The following HPSE2 variants were observed in gnomAD, a reference collection of about 807,000 sequenced individuals.
HPSE2 encodes inactive heparanase-2.
HPSE2 carries 38 observed loss-of-function variants against 60.5 expected under a neutral mutation model. That is an observed-to-expected ratio of 0.63 (90% confidence interval 0.48 to 0.82). HPSE2 has a LOEUF of 0.82. HPSE2 is among the 40% of genes least tolerant of loss of function. The pLI is 0.00. For synonymous variants in HPSE2, 295 were observed against 293.2 expected (o/e 1.01, Z -0.06); for missense variants, 713 against 740.4 (o/e 0.96, Z 0.43).
intron 6 of HPSE2, among the ~76,000 whole-genome samples, chr10:98,689,002 C>A (rs1303292154): frequency 6.6e-6 from 1 of 151,080 alleles, no homozygotes; most frequent in African/African-American, 2.4e-5. Flanking sequence ...TTATTTTTGT[C>A]TGAATGCTTT....
intron 2 of HPSE2, among the ~76,000 whole-genome samples, chr10:99,167,890 T>G (rs1356425667): frequency 6.6e-6 from 1 of 152,150 alleles, no homozygotes; most frequent in Non-Finnish European, 1.5e-5. Context: ...TGTCTCTCTC[T>G]CTCTCTCTCT....
intron 3 of HPSE2, among the ~76,000 whole-genome samples, chr10:99,101,431 T>A (rs1314258971): frequency 3.3e-5 from 5 of 152,114 alleles, no homozygotes; most frequent in South Asian, 2.1e-4. Flanking sequence ...TTCAACAAGA[T>A]GGGCTAACTA....
At chr10:99,293,739 A>T in the HPSE2 span, among the ~76,000 whole-genome samples, 1 of 152,226 alleles carries the variant, frequency 6.6e-6, no homozygotes, top group Non-Finnish European at 1.5e-5. Context: ...AGAACATTAT[A>T]CTTTAATCAA....
the HPSE2 span, among the ~76,000 whole-genome samples, chr10:99,308,260 C>A: frequency 6.6e-6 from 1 of 150,964 alleles, no homozygotes; most frequent in South Asian, 2.1e-4. Flanking sequence ...TGGTGGCACA[C>A]GCCTGAAATC....
chr10:98,898,867 A>G (rs1397215392), intron 3 of HPSE2, among the ~76,000 whole-genome samples: 2 of 152,232 alleles, frequency 1.3e-5, no homozygotes, highest in Non-Finnish European at 2.9e-5. Flanking sequence ...TGATTTTGAC[A>G]AAAGTGCAAA....
At chr10:99,143,806 A>T (rs958750254) in intron 3 of HPSE2, among the ~76,000 whole-genome samples, 3 of 152,176 alleles carry the variant, frequency 2.0e-5, no homozygotes, top group African/African-American at 4.8e-5. Context: ...AATTCCCCAG[A>T]TATTTCCAAA....
the HPSE2 span, among the ~76,000 whole-genome samples, chr10:99,253,008 C>T: frequency 3.3e-5 from 5 of 151,998 alleles, no homozygotes; most frequent in Non-Finnish European, 7.4e-5. Flanking sequence ...AAAAACATTC[C>T]ATGTTCATGG....
chr10:98,962,220 A>T (rs1445507766), intron 3 of HPSE2, among the ~76,000 whole-genome samples: 2 of 91,280 alleles, frequency 2.2e-5, no homozygotes, highest in African/African-American at 8.9e-5. Context: ...TGACTTGGCG[A>T]TGCGGGCTCT....
chr10:99,306,784 A>G, the HPSE2 span, among the ~76,000 whole-genome samples: 1 of 152,128 alleles, frequency 6.6e-6, no homozygotes, highest in Non-Finnish European at 1.5e-5. Context: ...ATCTCGGCTC[A>G]CTGCAACCTC....
At chr10:98,545,165 G>C (rs1037417842) in intron 9 of HPSE2, among the ~76,000 whole-genome samples, 94 of 152,122 alleles carry the variant, frequency 6.2e-4, no homozygotes, top group Admixed American at 9.8e-4. Context: ...ATAATCAATA[G>C]CTTACCAAAC....
At chr10:98,538,889 C>T (rs981438037) in intron 9 of HPSE2, among the ~76,000 whole-genome samples, 15 of 152,114 alleles carry the variant, frequency 9.9e-5, no homozygotes, top group African/African-American at 2.2e-4. Context: ...TACGCATTTG[C>T]GGGGACAGTG....
At position 98,502,543 on chromosome 10, in the gene HPSE2, A is replaced by G. The variant is rs184572456; in HGVS notation, c.1321-12347T>C. Reference sequence around the variant, plus strand: ...TCCTCATCTCTCACCTTATACAAAAATCAGCTCAAGCTGGATTAAGAACTT... The same window carrying G: ...TCCTCATCTCTCACCTTATACAAAAGTCAGCTCAAGCTGGATTAAGAACTT... On this transcript the variant is annotated intron_variant, in intron 9 of 11. Coordinates refer to ENST00000370552, the MANE Select transcript of HPSE2 (RefSeq NM_021828.5). Among the ~76,000 whole-genome samples, 375 of 152,362 alleles carry G rather than the reference A, an allele frequency of 2.5e-3. 1 individual carries two copies. The highest frequency in any genetic ancestry group is 8.3e-3 in the African/African-American group (347 of 41,594).
intron 9 of HPSE2, among the ~76,000 whole-genome samples, chr10:98,571,842 G>A (rs1944502680): frequency 6.6e-6 from 1 of 151,924 alleles, no homozygotes; most frequent in Non-Finnish European, 1.5e-5. Context: ...GTTAAGCCAA[G>A]CTTATTTTCA....
chr10:99,159,775 A>G (rs961409103), intron 2 of HPSE2, among the ~76,000 whole-genome samples: 9 of 152,214 alleles, frequency 5.9e-5, no homozygotes, highest in Non-Finnish European at 1.3e-4. Context: ...TTATGACACC[A>G]AAAGTATAAT....
chr10:99,299,848 T>C, the HPSE2 span, among the ~76,000 whole-genome samples: 1 of 152,076 alleles, frequency 6.6e-6, no homozygotes, highest in Non-Finnish European at 1.5e-5. Flanking sequence ...AAATACACTA[T>C]TACAGACCCA....
At chr10:99,298,171 A>G in the HPSE2 span, among the ~76,000 whole-genome samples, 130,503 of 152,144 alleles carry the variant, frequency 0.86, 56,361 homozygotes, top group African/African-American at 0.93. Context: ...GTCTCCACCT[A>G]GGCAACGCTG....
intron 5 of HPSE2, among the ~76,000 whole-genome samples, chr10:98,694,207 C>T (rs1948152647): frequency 6.6e-6 from 1 of 152,180 alleles, no homozygotes; most frequent in Non-Finnish European, 1.5e-5. Context: ...ATTCTATCTA[C>T]ATCTGTCTTC....
Position 98,721,125 on chromosome 10 carries a change from G to A in HPSE2, c.956+532C>T, listed in dbSNP as rs745360262. ...TGATCAGTATCTTTCCTTGCCTTGC[G>A]TGATTTTTAAAAATGATTGTCAGAT... On this transcript the variant is annotated intron_variant, in intron 5 of 11. Transcript: ENST00000370552. Among the ~76,000 whole-genome samples, 51 of 151,842 alleles carry A rather than the reference G, an allele frequency of 3.4e-4. 1 individual carries two copies. The highest frequency in any genetic ancestry group is 2.0e-3 in the Admixed American group (30 of 15,236).
chr10:99,168,127 C>CACACACACAT (rs59686037), intron 2 of HPSE2, among the ~76,000 whole-genome samples: 2 of 145,674 alleles, frequency 1.4e-5, no homozygotes, highest in African/African-American at 5.0e-5. Context: ...CACACACACA[C>CACACACACAT]GGCTTTGTAG....
Sources: gnomAD v4.1 joint callset for allele counts (sites outside exome capture counted in the v4.1 genomes callset) on GRCh38, gnomAD v4.1.1 for gene constraint, MANE v1.5 for transcripts, NCBI Gene and HGNC (gene_info 2026-07-23, HGNC 2026-07-21) for gene names.